The following SLC35F4 variants were observed in gnomAD, a reference collection of about 807,000 sequenced individuals.
The protein encoded by SLC35F4 is solute carrier family 35 member F4.
A neutral mutation model predicts 44.2 loss-of-function variants in SLC35F4; 24 were observed. That is an observed-to-expected ratio of 0.54 (90% CI 0.39 to 0.76). The LOEUF (loss-of-function observed/expected upper bound fraction) is 0.76. SLC35F4 is among the 30% of genes least tolerant of loss of function. The pLI is 0.00. For missense variants in SLC35F4, 562 were observed against 586.1 expected, an observed-to-expected ratio of 0.96 and a Z score of 0.42; for synonymous variants, 238 against 223.6, an observed-to-expected ratio of 1.06 and a Z score of -0.57.
chr14:57,954,550 G>A (rs756222800), intron 1 of SLC35F4, among the ~76,000 whole-genome samples: 70 of 152,156 alleles, frequency 4.6e-4, no homozygotes, highest in Non-Finnish European at 4.1e-4. Flanking sequence ...GAAGAAAAGA[G>A]AGAAGAATCA....
At chr14:57,948,853 C>G (rs186439847) in intron 1 of SLC35F4, among the ~76,000 whole-genome samples, 34 of 152,116 alleles carry the variant, frequency 2.2e-4, no homozygotes, top group African/African-American at 7.7e-4. Flanking sequence ...TTAAAAGTCC[C>G]TTTTGAAGTT....
chr14:57,723,956 C>T (rs1025207199), intron 1 of SLC35F4, among the ~76,000 whole-genome samples: 3 of 152,156 alleles, frequency 2.0e-5, no homozygotes, highest in African/African-American at 7.2e-5. Context: ...AGTAAAATTT[C>T]TAGGGGTCAA....
chr14:57,816,155 G>A (rs1192939587), intron 1 of SLC35F4, among the ~76,000 whole-genome samples: 1 of 152,172 alleles, frequency 6.6e-6, no homozygotes, highest in African/African-American at 2.4e-5. Context: ...TCACAATGAT[G>A]GTGGCATATC....
At chr14:57,864,722 A>C (rs1416870445) in intron 1 of SLC35F4, among the ~76,000 whole-genome samples, 3 of 152,228 alleles carry the variant, frequency 2.0e-5, no homozygotes, top group Non-Finnish European at 4.4e-5. Flanking sequence ...TAACGGCAAA[A>C]ACATCAATTA....
At chr14:57,577,579 C>A (rs899721133) in intron 4 of SLC35F4, among the ~76,000 whole-genome samples, 1 of 152,048 alleles carries the variant, frequency 6.6e-6, no homozygotes, top group African/African-American at 2.4e-5. Flanking sequence ...TCTAGTCTGG[C>A]ATCTACTTTT....
rs140656116 is a variant in SLC35F4 at position 57,634,775 on chromosome 14, C to T, written c.104-40651G>A. 5.3e-3 allele frequency among the ~76,000 whole-genome samples: 809 copies of T among 152,098 alleles called. 4 individuals carry two copies. The highest frequency in any genetic ancestry group is 7.7e-3 in the Non-Finnish European group (522 of 67,978). On this transcript the variant is annotated intron_variant, in intron 1 of 7. Coordinates refer to ENST00000556826, the MANE Select transcript of SLC35F4 (RefSeq NM_001306087.2). ...ATCACTGTGGTAACTGTGTGGAGAA[C>T]GGACTAGGATGGAGGAGAGAGTTCA...
At chr14:57,644,061 A>T (rs1372727590) in intron 1 of SLC35F4, among the ~76,000 whole-genome samples, 2 of 152,222 alleles carry the variant, frequency 1.3e-5, no homozygotes, top group Non-Finnish European at 2.9e-5. Flanking sequence ...TATTATGAAT[A>T]GTGCCATAAT....
intron 1 of SLC35F4, among the ~76,000 whole-genome samples, chr14:57,833,945 T>A (rs1884645645): frequency 6.6e-6 from 1 of 152,244 alleles, no homozygotes; most frequent in Non-Finnish European, 1.5e-5. Context: ...ACCATAGGAA[T>A]CTTTTTGTTC....
At chr14:57,696,340 A>C (rs2075383326) in intron 1 of SLC35F4, among the ~76,000 whole-genome samples, 1 of 152,258 alleles carries the variant, frequency 6.6e-6, no homozygotes, top group African/African-American at 2.4e-5. Context: ...TGGTCATTAG[A>C]GAAACACAAA....
intron 1 of SLC35F4, among the ~76,000 whole-genome samples, chr14:57,803,006 A>AAAAAAAAAAAAAAG (rs74994950): frequency 1.5e-5 from 2 of 136,252 alleles, no homozygotes; most frequent in Non-Finnish European, 1.5e-5. Flanking sequence ...AAAAAAAAAA[A>AAAAAAAAAAAAAAG]GAAATTGCAG....
At chr14:57,810,543 C>T (rs1054197514) in intron 1 of SLC35F4, among the ~76,000 whole-genome samples, 1 of 152,204 alleles carries the variant, frequency 6.6e-6, no homozygotes, top group Non-Finnish European at 1.5e-5. Flanking sequence ...CTCTTCTCAC[C>T]GTCCTCAGTA....
chr14:57,868,838 A>C (rs1423438093), upstream of SLC35F4, among the ~76,000 whole-genome samples: 1 of 152,170 alleles, frequency 6.6e-6, no homozygotes, highest in Non-Finnish European at 1.5e-5. Context: ...CCAAATATTC[A>C]AATTTACAAA....
At chr14:57,779,064 T>C (rs2077557932) in intron 1 of SLC35F4, among the ~76,000 whole-genome samples, 1 of 151,624 alleles carries the variant, frequency 6.6e-6, no homozygotes, top group Non-Finnish European at 1.5e-5. Context: ...CTAAAAGAAC[T>C]AGAGAAGCAA....
intron 3 of SLC35F4, among the ~76,000 whole-genome samples, chr14:57,587,790 C>T (rs2069863783): frequency 6.9e-6 from 1 of 144,572 alleles, no homozygotes. Context: ...AAAAATCTGC[C>T]AAGTTACTGC....
chr14:57,574,887 T>G (rs2068700328), intron 4 of SLC35F4, among the ~76,000 whole-genome samples: 1 of 151,946 alleles, frequency 6.6e-6, no homozygotes, highest in Non-Finnish European at 1.5e-5. Flanking sequence ...AAAGAGGGAT[T>G]AATACTCTGT....
intron 1 of SLC35F4, among the ~76,000 whole-genome samples, chr14:57,836,441 C>A (rs1157407841): frequency 6.6e-6 from 1 of 151,844 alleles, no homozygotes; most frequent in Non-Finnish European, 1.5e-5. Context: ...TACAGGCATG[C>A]GCCATCACAT....
In SLC35F4 at chr14:57,865,939, G is replaced by A. The variant is rs1475224624; in HGVS notation, c.-114C>T. 3.2e-6 allele frequency: 2 copies of A among 618,710 alleles called. No homozygotes were observed. Among genetic ancestry groups the A allele is most frequent in the African/African-American group, 2.0e-5 (1 of 50,350 alleles). 38.3% of individuals were successfully genotyped at this position (618,710 alleles called of 1,614,324 possible). A position where few individuals can be genotyped will look rare whatever the true frequency, so the allele number is the denominator to read the frequency against. On this transcript the variant is annotated 5_prime_UTR_variant, in exon 1 of 8. Coordinates refer to ENST00000556826, the MANE Select transcript of SLC35F4 (RefSeq NM_001306087.2). ...TGCTGATCTTGCAGCTCCTGCTCCC[G>A]CGCCCGGGCTCTGACTCCACCGCCC...
chr14:57,695,289 T>C (rs1292603014), intron 1 of SLC35F4, among the ~76,000 whole-genome samples: 2 of 151,670 alleles, frequency 1.3e-5, no homozygotes, highest in African/African-American at 4.8e-5. Flanking sequence ...ACGGCTAATA[T>C]CCAGAATCTA....
intron 1 of SLC35F4, among the ~76,000 whole-genome samples, chr14:57,803,724 G>T (rs1380672230): frequency 6.6e-6 from 1 of 151,538 alleles, no homozygotes; most frequent in Non-Finnish European, 1.5e-5. Context: ...TGAGTAGCTG[G>T]GATCACAGGC....
Sources: gnomAD v4.1 joint callset for allele counts (sites outside exome capture counted in the v4.1 genomes callset) on GRCh38, gnomAD v4.1.1 for gene constraint, MANE v1.5 for transcripts, NCBI Gene and HGNC (gene_info 2026-07-23, HGNC 2026-07-21) for gene names.